The following TNFRSF10B variants were observed in gnomAD, a reference collection of about 807,000 sequenced individuals.
TNFRSF10B encodes TNF receptor superfamily member 10b, also known as tumor necrosis factor receptor superfamily member 10B.
In TNFRSF10B, 35 loss-of-function variants were observed where a neutral mutation model predicts 41.4. That is an observed-to-expected ratio of 0.85 (90% CI 0.65 to 1.12). The LOEUF (loss-of-function observed/expected upper bound fraction) is 1.12. TNFRSF10B is among the 50% of genes most tolerant of loss of function. The pLI is 0.00. For synonymous variants in TNFRSF10B, 230 were observed against 215.5 expected, an observed-to-expected ratio of 1.07 and a Z score of -0.59; for missense variants, 584 against 552.7, an observed-to-expected ratio of 1.06 and a Z score of -0.57.
chr8:23,065,070 TGATA>T (rs1407001929), intron 1 of TNFRSF10B, among the ~76,000 whole-genome samples: 1 of 152,170 alleles, frequency 6.6e-6, no homozygotes, highest in Admixed American at 6.5e-5. Flanking sequence ...TCATGCTTCC[TGATA>T]GTTATTTAGG....
intron 1 of TNFRSF10B, among the ~76,000 whole-genome samples, chr8:23,066,110 C>G (rs1202604401): frequency 6.6e-6 from 1 of 152,012 alleles, no homozygotes; most frequent in Non-Finnish European, 1.5e-5. Flanking sequence ...TGGTGAAACC[C>G]CGTCTCTACT....
chr8:23,068,377 G>C (rs1813062479), intron 1 of TNFRSF10B: 1 of 309,774 alleles, frequency 3.2e-6, no homozygotes, highest in Non-Finnish European at 6.1e-6. Context: ...GGAAGGAAGG[G>C]AGGGAAAGAA....
intron 2 of TNFRSF10B, among the ~76,000 whole-genome samples, chr8:23,040,388 A>G (rs1212909428): frequency 6.3e-5 from 5 of 79,914 alleles, no homozygotes; most frequent in Non-Finnish European, 8.5e-5. Flanking sequence ...TACAAAATAT[A>G]TATTTATTAA....
At chr8:23,034,175 C>A (rs1198142019) in intron 2 of TNFRSF10B, among the ~76,000 whole-genome samples, 1 of 152,130 alleles carries the variant, frequency 6.6e-6, no homozygotes, top group African/African-American at 2.4e-5. Context: ...AGTACAGGAG[C>A]ACAGTGTTTG....
intron 2 of TNFRSF10B, among the ~76,000 whole-genome samples, chr8:23,041,494 C>T (rs776515042): frequency 2.4e-4 from 36 of 152,004 alleles, no homozygotes; most frequent in Non-Finnish European, 4.0e-4. Flanking sequence ...ATCCTGCCAC[C>T]GCACTCCAGC....
chr8:23,027,457 C>T, intron 6 of TNFRSF10B, 169 bp from the exon 7 acceptor site: 1 of 885,726 alleles, frequency 1.1e-6, no homozygotes, highest in Non-Finnish European at 1.8e-6. Flanking sequence ...GGGGCCAGGC[C>T]CCCAGTGCTG....
At position 23,030,997 on chromosome 8, in the gene TNFRSF10B, G is replaced by C. The variant is rs921506832; in HGVS notation, c.251-125C>G. On this transcript the variant is annotated intron_variant, in intron 2 of 8. Coordinates refer to ENST00000276431, the MANE Select transcript of TNFRSF10B (RefSeq NM_003842.5). ...AAAAGAGGGAAATCTCCTCTACCTA[G>C]CTTGGTCAGTTCATCAATTCTGCAT... 4.1e-5 allele frequency: 29 copies of C among 714,970 alleles called. No individual in the cohort carries two copies. In the African/African-American group the frequency reaches 5.1e-4, roughly 12 times the overall value. The allele number at this position is 714,970 out of a possible 1,614,324, so 44.3% of individuals were successfully genotyped here. A position where few individuals can be genotyped will look rare whatever the true frequency, so the allele number is the denominator to read the frequency against.
chr8:23,027,644 C>T (rs977639238), intron 6 of TNFRSF10B, 78 bp downstream of exon 6: 2 of 1,597,568 alleles, frequency 1.3e-6, no homozygotes, highest in African/African-American at 2.7e-5. Context: ...CAATGGGGAC[C>T]CACCCACCCA....
intron 6 of TNFRSF10B, 135 bp from the exon 7 acceptor site, chr8:23,027,423 T>G (rs181692142): frequency 1.8e-6 from 2 of 1,137,528 alleles, no homozygotes; most frequent in Non-Finnish European, 2.6e-6. Flanking sequence ...CAGCCCAGAC[T>G]CAGCACATCC....
chr8:23,059,504 TG>T (rs1302486515), intron 1 of TNFRSF10B, among the ~76,000 whole-genome samples: 8 of 131,516 alleles, frequency 6.1e-5, no homozygotes, highest in Non-Finnish European at 1.3e-4. Flanking sequence ...TTATTGTGTG[TG>T]TGTGTTGTTT....
chr8:23,053,467 T>G (rs1035149856), intron 1 of TNFRSF10B, among the ~76,000 whole-genome samples: 2 of 147,738 alleles, frequency 1.4e-5, no homozygotes, highest in African/African-American at 5.0e-5. Context: ...GTTAAAGGAT[T>G]GTTTTAAGTT....
At chr8:23,043,307 T>C (rs528634928) in intron 1 of TNFRSF10B, 64 bp from the exon 2 acceptor site, 3 of 1,359,266 alleles carry the variant, frequency 2.2e-6, no homozygotes, top group South Asian at 1.2e-5. Context: ...CAGGATCCAC[T>C]CACATTCTCT....
intron 1 of TNFRSF10B, among the ~76,000 whole-genome samples, chr8:23,065,885 CAG>C (rs1015052039): frequency 2.0e-5 from 3 of 152,020 alleles, no homozygotes; most frequent in African/African-American, 7.2e-5. Flanking sequence ...GCCGTAATAA[CAG>C]ATATAATGGT....
At chr8:23,025,424 G>A (rs1811673695) in intron 7 of TNFRSF10B, among the ~76,000 whole-genome samples, 1 of 152,124 alleles carries the variant, frequency 6.6e-6, no homozygotes, top group Non-Finnish European at 1.5e-5. Flanking sequence ...ATGTGGGCGG[G>A]AGGGGTACTA....
chr8:23,067,526 G>GA (rs1342737616), intron 1 of TNFRSF10B, among the ~76,000 whole-genome samples: 2 of 151,930 alleles, frequency 1.3e-5, no homozygotes, highest in African/African-American at 4.8e-5. Flanking sequence ...AGCAGCCAGA[G>GA]ACCAAAGATC....
intron 1 of TNFRSF10B, among the ~76,000 whole-genome samples, chr8:23,044,042 T>C (rs113501710): frequency 6.1e-4 from 93 of 152,354 alleles, no homozygotes; most frequent in African/African-American, 2.1e-3. Flanking sequence ...CAAGTAATTT[T>C]TGGCAAAGGT....
In TNFRSF10B at chr8:23,029,968, G is replaced by A. The variant is rs367745922; in HGVS notation, c.365-247C>T. 2.8e-4 allele frequency among the ~76,000 whole-genome samples: 42 copies of A among 152,312 alleles called. 1 individual carries two copies. In the South Asian group the frequency reaches 7.5e-3, roughly 27 times the overall value. On this transcript the variant is annotated intron_variant, in intron 3 of 8. Transcript: ENST00000276431. The stretch of plus-strand genomic sequence containing the variant: ...TTACATTAGATTAGGGGAAAGCACC[G>A]TTTAGGGGACAAGCATCGTTTAGAT...
In TNFRSF10B at chr8:23,040,277, A is replaced by T. The variant is rs1320104195; in HGVS notation, c.250+2861T>A. 1.0e-4 allele frequency among the ~76,000 whole-genome samples: 10 copies of T among 95,504 alleles called. 2 individuals are homozygous for T. Among genetic ancestry groups the T allele is most frequent in the Admixed American group, 2.5e-4 (2 of 7,940 alleles). The allele number at this position is 95,504 out of a possible 152,430, so 62.7% of individuals were successfully genotyped here. A position where few individuals can be genotyped will look rare whatever the true frequency, so the allele number is the denominator to read the frequency against. On this transcript the variant is annotated intron_variant, in intron 2 of 8. Transcript: ENST00000276431. ...ATATATATTTATTAAATATATATAT[A>T]ATATATATTTATTAAATATATATAA...
intron 2 of TNFRSF10B, among the ~76,000 whole-genome samples, chr8:23,032,882 G>A (rs546341419): frequency 6.6e-6 from 1 of 152,128 alleles, no homozygotes; most frequent in Admixed American, 6.6e-5. Context: ...CTCCAAGCAG[G>A]ATAAGTTAAA....
Sources: allele counts gnomAD v4.1 joint callset (sites outside exome capture counted in the v4.1 genomes callset), GRCh38; gene constraint gnomAD v4.1.1; transcripts MANE v1.5; gene names NCBI Gene and HGNC (gene_info 2026-07-23, HGNC 2026-07-21).